The following RAP1GAP2 variants were observed in gnomAD, a reference collection of about 807,000 sequenced individuals.
The protein encoded by RAP1GAP2 is rap1 GTPase-activating protein 2.
A neutral mutation model predicts 95.0 loss-of-function variants in RAP1GAP2; 27 were observed. The observed-to-expected ratio is 0.28, with a 90% CI of 0.21 to 0.39. RAP1GAP2 has a LOEUF of 0.39. Among genes scored for constraint, RAP1GAP2 ranks in the 10% least tolerant of loss-of-function variants. RAP1GAP2 has a pLI of 1.00. For missense variants in RAP1GAP2, 771 were observed against 970.0 expected, an observed-to-expected ratio of 0.79 and a Z score of 2.72; for synonymous variants, 373 against 380.9, an observed-to-expected ratio of 0.98 and a Z score of 0.24.
chr17:2,902,534 T>A lies in RAP1GAP2; in HGVS notation c.81-2750T>A, dbSNP rs902219742. On this transcript the variant is annotated intron_variant, in intron 2 of 24. Transcript: ENST00000254695. The surrounding 1 kb of genome is among the most constrained non-coding windows in gnomAD (Gnocchi z 4.1). ...GCTCTGGGCCCAGTTCAGATGTTTTTGAGGGTGGCAGTCATGCCTTCTGCC... is the reference window on the plus strand; with the variant it reads ...GCTCTGGGCCCAGTTCAGATGTTTTAGAGGGTGGCAGTCATGCCTTCTGCC... Among the ~76,000 whole-genome samples the A allele has an allele frequency of 6.6e-6, 1 of 152,182 alleles. No individual in the cohort carries two copies. Among genetic ancestry groups the A allele is most frequent in the South Asian group, 2.1e-4 (1 of 4,834 alleles).
intron 12 of RAP1GAP2, 39 bp from the exon 13 acceptor site, chr17:2,995,298 T>G (rs1016807125): frequency 1.2e-6 from 2 of 1,604,288 alleles, no homozygotes; most frequent in Non-Finnish European, 1.7e-6. Flanking sequence ...TTTGCCTCAC[T>G]CTCTTTTCTC....
At chr17:2,760,943 TTTTCTTTTC>T (rs2071234305) in intron 1 of RAP1GAP2, among the ~76,000 whole-genome samples, 1 of 126,502 alleles carries the variant, frequency 7.9e-6, no homozygotes. Flanking sequence ...TGCCATTTTC[TTTTCTTTTC>T]TTTCTTTTTC....
rs1475267891 is a variant in RAP1GAP2 at position 2,820,891 on chromosome 17, G to GTTTTTTTTTTTTTTTTTTTTTTT, written c.80+20341_80+20342insTTTTTTTTTTTTTTTTTTTTTTT. 6.2e-4 allele frequency among the ~76,000 whole-genome samples: 71 copies of GTTTTTTTTTTTTTTTTTTTTTTT among 113,982 alleles called. 9 individuals carry two copies. Among genetic ancestry groups the GTTTTTTTTTTTTTTTTTTTTTTT allele is most frequent in the Admixed American group, 1.4e-3 (14 of 9,794 alleles). 74.8% of individuals were successfully genotyped at this position (113,982 alleles called of 152,430 possible). On this transcript the variant is annotated intron_variant, in intron 2 of 24. Coordinates refer to ENST00000254695, the MANE Select transcript of RAP1GAP2 (RefSeq NM_015085.5). ...TGCCCGCCACCACGGCCCGGATAAT[G>GTTTTTTTTTTTTTTTTTTTTTTT]GTTTTTTTTTTTTTTTTTGTATTTT...
intron 3 of RAP1GAP2, among the ~76,000 whole-genome samples, chr17:2,940,212 C>G (rs912418113): frequency 6.6e-6 from 1 of 152,116 alleles, no homozygotes. Flanking sequence ...GTCATGGAAG[C>G]CACCCTTCAC....
chr17:3,023,149 A>G (rs756428033), intron 19 of RAP1GAP2, among the ~76,000 whole-genome samples: 5 of 152,144 alleles, frequency 3.3e-5, no homozygotes, highest in Non-Finnish European at 7.3e-5. Flanking sequence ...TTTTTGATGC[A>G]TTGTTGAATT....
chr17:3,016,620 CG>C (rs2046778995), intron 17 of RAP1GAP2, among the ~76,000 whole-genome samples: 1 of 152,208 alleles, frequency 6.6e-6, no homozygotes, highest in Non-Finnish European at 1.5e-5. Flanking sequence ...TTTCCTGCTG[CG>C]GGTCTCCCAG....
Position 2,965,377 on chromosome 17 carries a change from G to T in RAP1GAP2, c.493-163G>T, listed in dbSNP as rs963687139. 25 of 623,216 alleles carry T rather than the reference G, an allele frequency of 4.0e-5. No individual in the cohort carries two copies. In the African/African-American group the frequency reaches 4.4e-4, roughly 11 times the overall value. The allele number at this position is 623,216 out of a possible 1,614,324, so 38.6% of individuals were successfully genotyped here. A position where few individuals can be genotyped will look rare whatever the true frequency, so the allele number is the denominator to read the frequency against. On this transcript the variant is annotated intron_variant, in intron 7 of 24. Coordinates refer to ENST00000254695, the MANE Select transcript of RAP1GAP2 (RefSeq NM_015085.5). This position sits in a 1 kb window ranked among gnomAD's most constrained non-coding sequence, Gnocchi z 4.7. Reference sequence around the variant, plus strand: ...GGCACGGTGCCTGGCGCCTCCTGAGGATCCGGCCGTCGGTACCTGTTAATG... The same window carrying T: ...GGCACGGTGCCTGGCGCCTCCTGAGTATCCGGCCGTCGGTACCTGTTAATG...
rs184442119 is a variant in RAP1GAP2, at chr17:2,909,295, C to T, written c.165+3927C>T. Among the ~76,000 whole-genome samples, 8 of 152,248 alleles carry T rather than the reference C, an allele frequency of 5.3e-5. No homozygotes were observed. In the East Asian group the frequency reaches 1.5e-3, roughly 29 times the overall value. Reference sequence around the variant, plus strand: ...TGCTGCTGAGAGGCCAAGTATGGTGCAGAGTGCACAGTGGCCACTGGGCTC... The same window carrying T: ...TGCTGCTGAGAGGCCAAGTATGGTGTAGAGTGCACAGTGGCCACTGGGCTC... On this transcript the variant is annotated intron_variant, in intron 3 of 24. Transcript: ENST00000254695.
rs1246163904 is a variant in RAP1GAP2 at position 3,034,419 on chromosome 17, G to C, written c.*1058G>C. ...GAGAGAGGTGAGGGGGGGATGACTTGCGGGTTCTGATCAGGCCCCTGGGTG... is the reference window on the plus strand; with the variant it reads ...GAGAGAGGTGAGGGGGGGATGACTTCCGGGTTCTGATCAGGCCCCTGGGTG... On this transcript the variant is annotated 3_prime_UTR_variant, in exon 25 of 25. Coordinates refer to ENST00000254695, the MANE Select transcript of RAP1GAP2 (RefSeq NM_015085.5). The surrounding 1 kb of genome is among the most constrained non-coding windows in gnomAD (Gnocchi z 5.1). The C allele has an allele frequency of 4.4e-6, 1 of 227,214 alleles. No homozygotes were observed. The highest frequency in any genetic ancestry group is 2.4e-5 in the African/African-American group (1 of 42,078). The allele number at this position is 227,214 out of a possible 1,614,324, so 14.1% of individuals were successfully genotyped here.
chr17:2,893,755 C>T (rs775921330), intron 2 of RAP1GAP2, among the ~76,000 whole-genome samples: 2 of 152,354 alleles, frequency 1.3e-5, no homozygotes, highest in South Asian at 2.1e-4. Context: ...CCGCTGACTG[C>T]GCCCGGGAGG....
chr17:2,969,245 C>G (rs2044750800), intron 8 of RAP1GAP2, among the ~76,000 whole-genome samples: 1 of 151,410 alleles, frequency 6.6e-6, no homozygotes, highest in Non-Finnish European at 1.5e-5. Flanking sequence ...GATTTTACTT[C>G]TTTTCAATTG....
At position 2,882,626 on chromosome 17, in the gene RAP1GAP2, C is replaced by T. The variant is rs186674052; in HGVS notation, c.81-22658C>T. Among the ~76,000 whole-genome samples, 525 of 152,232 alleles carry T rather than the reference C, an allele frequency of 3.4e-3. 5 individuals carry two copies. Among genetic ancestry groups the T allele is most frequent in the African/African-American group, 0.012 (498 of 41,542 alleles). ...TTTTAGTAGAGATGGGGTTTCGCCACGTTGGCCAGGATGGTTGATTGGCTT... is the reference window on the plus strand; with the variant it reads ...TTTTAGTAGAGATGGGGTTTCGCCATGTTGGCCAGGATGGTTGATTGGCTT... On this transcript the variant is annotated intron_variant, in intron 2 of 24. Coordinates refer to ENST00000254695, the MANE Select transcript of RAP1GAP2 (RefSeq NM_015085.5).
At chr17:2,922,383 T>G (rs959704680) in intron 3 of RAP1GAP2, among the ~76,000 whole-genome samples, 1 of 152,184 alleles carries the variant, frequency 6.6e-6, no homozygotes, top group Non-Finnish European at 1.5e-5. Flanking sequence ...GTAAAGACCC[T>G]TTTTCCGAAT....
chr17:2,882,119 C>CT (rs1182195871), intron 2 of RAP1GAP2, among the ~76,000 whole-genome samples: 1,965 of 131,762 alleles, frequency 0.015, 35 homozygotes, highest in African/African-American at 0.04. Flanking sequence ...TGTGCCTGGC[C>CT]TTTTTTTTTT....
chr17:2,913,218 C>T (rs985499241), intron 3 of RAP1GAP2, among the ~76,000 whole-genome samples: 7 of 151,978 alleles, frequency 4.6e-5, no homozygotes, highest in African/African-American at 1.7e-4. Flanking sequence ...TCTGCATGTG[C>T]ACCTACTTAC....
chr17:2,987,979 A>G (rs1230697355), intron 11 of RAP1GAP2, among the ~76,000 whole-genome samples: 1 of 152,236 alleles, frequency 6.6e-6, no homozygotes, highest in Non-Finnish European at 1.5e-5. Flanking sequence ...TACTGTGGGT[A>G]GAGCCTGTTG....
At chr17:2,946,497 T>G (rs570280161) in intron 3 of RAP1GAP2, among the ~76,000 whole-genome samples, 1 of 152,328 alleles carries the variant, frequency 6.6e-6, no homozygotes, top group East Asian at 1.9e-4. Context: ...CTGAAGTCAT[T>G]GGCATCTTCT....
intron 1 of RAP1GAP2, 72 bp from the exon 2 acceptor site, chr17:2,800,443 T>C (rs1176320848): frequency 3.7e-6 from 4 of 1,067,724 alleles, no homozygotes; most frequent in Non-Finnish European, 3.9e-6. Flanking sequence ...TCCCGGGGAC[T>C]CCTCCATACA....
At chr17:2,808,568 C>T (rs2151493041) in intron 2 of RAP1GAP2, among the ~76,000 whole-genome samples, 1 of 152,308 alleles carries the variant, frequency 6.6e-6, no homozygotes, top group South Asian at 2.1e-4. Context: ...CACGGCGTCC[C>T]CTCGCTGGCC....
Sources: allele counts gnomAD v4.1 joint callset (sites outside exome capture counted in the v4.1 genomes callset), GRCh38; gene constraint gnomAD v4.1.1; non-coding constraint Gnocchi (gnomAD v3.1); transcripts MANE v1.5; gene names NCBI Gene and HGNC (gene_info 2026-07-23, HGNC 2026-07-21).